The following TBC1D14 variants were observed in gnomAD, a reference collection of about 807,000 sequenced individuals.
The protein encoded by TBC1D14 is TBC1 domain family member 14, also known as TBC1 domain family, member 14.
TBC1D14 carries 26 observed loss-of-function variants against 79.0 expected under a neutral mutation model. The observed-to-expected ratio is 0.33, with a 90% confidence interval of 0.24 to 0.46. The LOEUF is 0.46. TBC1D14 is among the 20% of genes least tolerant of loss of function. TBC1D14 has a pLI of 1.00. For missense variants in TBC1D14, 769 were observed against 887.6 expected (o/e 0.87, Z 1.70); for synonymous variants, 394 against 349.9 (o/e 1.13, Z -1.40).
At chr4:6,950,217 C>T (rs375654732) in intron 2 of TBC1D14, among the ~76,000 whole-genome samples, 5 of 152,206 alleles carry the variant, frequency 3.3e-5, no homozygotes, top group African/African-American at 7.2e-5. Context: ...CAGCTTCATC[C>T]GTGTCCCTGC....
At chr4:6,937,512 A>G (rs73086413) in intron 2 of TBC1D14, among the ~76,000 whole-genome samples, 4,949 of 152,072 alleles carry the variant, frequency 0.033, 290 homozygotes, top group African/African-American at 0.11. Context: ...AGCAGTGGGG[A>G]TGGTGTGCTG....
chr4:6,986,170 C>G (rs750586740), intron 3 of TBC1D14, among the ~76,000 whole-genome samples: 3 of 152,212 alleles, frequency 2.0e-5, no homozygotes, highest in Non-Finnish European at 4.4e-5. Flanking sequence ...CATCTTTCAC[C>G]TGGCCTAGCG....
chr4:6,943,029 G>A (rs1043018523), intron 2 of TBC1D14, among the ~76,000 whole-genome samples: 1 of 152,160 alleles, frequency 6.6e-6, no homozygotes, highest in African/African-American at 2.4e-5. Flanking sequence ...CACAACGGAG[G>A]TTGATTTCCA....
At chr4:6,950,806 T>C (rs1415606224) in intron 2 of TBC1D14, among the ~76,000 whole-genome samples, 2 of 152,228 alleles carry the variant, frequency 1.3e-5, no homozygotes, top group Admixed American at 1.3e-4. Context: ...ATTGATTTGA[T>C]TTGCATATTT....
intron 2 of TBC1D14, among the ~76,000 whole-genome samples, chr4:6,965,249 C>T (rs144117976): frequency 1.3e-3 from 199 of 152,174 alleles, no homozygotes; most frequent in African/African-American, 4.3e-3. Context: ...CCTCCGCCTC[C>T]TGGGTTCAAG....
intron 2 of TBC1D14, among the ~76,000 whole-genome samples, chr4:6,935,227 A>T (rs74902546): frequency 1.4e-5 from 2 of 147,912 alleles, no homozygotes; most frequent in African/African-American, 5.0e-5. Context: ...AAGTGGTGTG[A>T]TTTTTTTTTT....
At chr4:6,922,596 A>G (rs997346925) in intron 1 of TBC1D14, among the ~76,000 whole-genome samples, 5 of 152,188 alleles carry the variant, frequency 3.3e-5, no homozygotes, top group African/African-American at 9.7e-5. Context: ...GATGGCATAC[A>G]TAATTTATTT....
intron 2 of TBC1D14, among the ~76,000 whole-genome samples, chr4:6,929,675 G>C: frequency 6.6e-6 from 1 of 152,166 alleles, no homozygotes; most frequent in African/African-American, 2.4e-5. Flanking sequence ...CTTTGAGGAC[G>C]ACATTTAGTC....
chr4:6,954,927 T>C (rs1389783614), intron 2 of TBC1D14, among the ~76,000 whole-genome samples: 5 of 152,248 alleles, frequency 3.3e-5, no homozygotes, highest in African/African-American at 1.2e-4. Context: ...TTAGCATCAG[T>C]TGCTACTTGA....
chr4:6,958,368 C>A (rs923950345), intron 2 of TBC1D14, among the ~76,000 whole-genome samples: 4 of 107,368 alleles, frequency 3.7e-5, no homozygotes, highest in Admixed American at 2.2e-4. Flanking sequence ...ACACGTGATC[C>A]CCACATATAC....
At chr4:6,983,828 A>G (rs913914622) in intron 3 of TBC1D14, among the ~76,000 whole-genome samples, 4 of 152,190 alleles carry the variant, frequency 2.6e-5, no homozygotes, top group Admixed American at 6.5e-5. Flanking sequence ...TTCATCCCCA[A>G]TGCCTTTTAA....
At position 6,996,510 on chromosome 4, in the gene TBC1D14, G is replaced by A. The variant is rs1217224970; in HGVS notation, c.1045+103G>A. ...TTGGAGTCATAGAACCTGAACTTCAGTCTTTGAAATTTGTAGTCTTCCAGT... is the reference window on the plus strand; with the variant it reads ...TTGGAGTCATAGAACCTGAACTTCAATCTTTGAAATTTGTAGTCTTCCAGT... On this transcript the variant is annotated intron_variant, in intron 5 of 13. Transcript: ENST00000409757. The A allele has an allele frequency of 1.6e-5, 13 of 822,302 alleles. No homozygotes were observed. In the South Asian group the frequency reaches 2.2e-4, roughly 14 times the overall value. 50.9% of individuals were successfully genotyped at this position (822,302 alleles called of 1,614,324 possible).
chr4:6,919,541 A>G lies in TBC1D14; in HGVS notation c.-17-3832A>G, dbSNP rs916290095. Among the ~76,000 whole-genome samples, 99 of 152,286 alleles carry G rather than the reference A, an allele frequency of 6.5e-4. 1 individual carries two copies. The highest frequency in any genetic ancestry group is 2.9e-3 in the Admixed American group (44 of 15,284). ...AATTTCTAAGAAAAATTGATTATCA[A>G]TTACTATAACATTGTGATTAAATAA... On this transcript the variant is annotated intron_variant, in intron 1 of 13. Transcript: ENST00000409757.
At chr4:6,941,516 T>C (rs937661340) in intron 2 of TBC1D14, among the ~76,000 whole-genome samples, 2 of 152,194 alleles carry the variant, frequency 1.3e-5, no homozygotes, top group Non-Finnish European at 2.9e-5. Flanking sequence ...TACCACTTTA[T>C]GTTGCTCCTG....
At chr4:6,990,899 C>G (rs1214275711) in intron 3 of TBC1D14, among the ~76,000 whole-genome samples, 1 of 140,646 alleles carries the variant, frequency 7.1e-6, no homozygotes, top group Non-Finnish European at 1.5e-5. Context: ...AGTGTTCTTT[C>G]TCCAGTGCTG....
intron 3 of TBC1D14, among the ~76,000 whole-genome samples, chr4:6,990,202 C>T (rs1034379319): frequency 6.6e-6 from 1 of 152,188 alleles, no homozygotes; most frequent in African/African-American, 2.4e-5. Context: ...GTAATCCCAG[C>T]ACTTTGGAGG....
intron 1 of TBC1D14, among the ~76,000 whole-genome samples, chr4:6,911,167 G>A (rs949168001): frequency 3.3e-5 from 5 of 152,052 alleles, no homozygotes. Context: ...TCCCCCCTCC[G>A]ACCAACCCTC....
chr4:7,015,223 C>T (rs753120568), intron 12 of TBC1D14, among the ~76,000 whole-genome samples: 41 of 151,724 alleles, frequency 2.7e-4, no homozygotes, highest in South Asian at 4.2e-4. Context: ...GCAGATCCAG[C>T]GGCGAGTTTT....
intron 12 of TBC1D14, among the ~76,000 whole-genome samples, chr4:7,017,545 C>G (rs898691658): frequency 2.6e-5 from 4 of 152,112 alleles, no homozygotes; most frequent in African/African-American, 9.7e-5. Context: ...CTGGGTTGGA[C>G]TGTCAGTAAT....
Sources: gnomAD v4.1 joint callset for allele counts (sites outside exome capture counted in the v4.1 genomes callset) on GRCh38, gnomAD v4.1.1 for gene constraint, MANE v1.5 for transcripts, NCBI Gene and HGNC (gene_info 2026-07-23, HGNC 2026-07-21) for gene names.